The following ITGA4 variants were observed in gnomAD, a reference collection of about 807,000 sequenced individuals.
ITGA4 encodes the protein integrin subunit alpha 4, also known as integrin alpha-4.
A neutral mutation model predicts 133.6 loss-of-function variants in ITGA4; 63 were observed. That is an observed-to-expected ratio of 0.47 (90% CI 0.38 to 0.58). The LOEUF is 0.58. ITGA4 is among the 20% of genes least tolerant of loss of function. The pLI is 0.00. For synonymous variants in ITGA4, 483 were observed against 438.0 expected (o/e 1.10, Z -1.28); for missense variants, 1,076 against 1,252.7 (o/e 0.86, Z 2.13).
intron 10 of ITGA4, among the ~76,000 whole-genome samples, chr2:181,492,300 G>T (rs1276251742): frequency 1.3e-5 from 2 of 152,198 alleles, no homozygotes; most frequent in East Asian, 3.9e-4. Context: ...ACTGAAAATA[G>T]AAAAGCTTTT....
chr2:181,527,853 T>C (rs1686866175), intron 22 of ITGA4, among the ~76,000 whole-genome samples: 1 of 152,198 alleles, frequency 6.6e-6, no homozygotes, highest in South Asian at 2.1e-4. Context: ...AGCCATAAGT[T>C]TATGACCTGT....
Position 181,536,564 on chromosome 2 carries a change from C to G in ITGA4, c.*1037C>G, listed in dbSNP as rs553835634. The stretch of plus-strand genomic sequence containing the variant: ...TACCCTTTACAAGTATAAGTGTTAC[C>G]TTACATGGAAACGAAGAAACAAAAT... On this transcript the variant is annotated 3_prime_UTR_variant, in exon 28 of 28. Coordinates refer to ENST00000397033, the MANE Select transcript of ITGA4 (RefSeq NM_000885.6). The G allele has an allele frequency of 7.0e-5, 12 of 170,704 alleles. No individual in the cohort carries two copies. Among genetic ancestry groups the G allele is most frequent in the Non-Finnish European group, 1.5e-4 (12 of 79,488 alleles). The allele number at this position is 170,704 out of a possible 1,614,324, so 10.6% of individuals were successfully genotyped here.
At chr2:181,496,416 C>A (rs888471041) in intron 14 of ITGA4, among the ~76,000 whole-genome samples, 4 of 151,902 alleles carry the variant, frequency 2.6e-5, no homozygotes, top group African/African-American at 4.8e-5. Flanking sequence ...TGGAATGAGA[C>A]CCTGTCTCAA....
At chr2:181,477,185 G>C (rs155090) in intron 4 of ITGA4, among the ~76,000 whole-genome samples, 116,259 of 151,904 alleles carry the variant, frequency 0.77, 44,794 homozygotes, top group Admixed American at 0.85. Flanking sequence ...GAAATTGAAC[G>C]CTTATCTTAG....
intron 9 of ITGA4, among the ~76,000 whole-genome samples, chr2:181,484,263 A>G (rs901386439): frequency 2.6e-5 from 4 of 152,196 alleles, no homozygotes; most frequent in African/African-American, 7.2e-5. Context: ...TGAACTCAAG[A>G]AAGAATGATA....
Position 181,495,740 on chromosome 2 carries a change from A to C in ITGA4, c.1386-43A>C. ...AAACGCATTTCTCTCCTTAAGGAAA[A>C]ATAATTCTGCAATTAACATTGCTAC... On this transcript the variant is annotated intron_variant, in intron 13 of 27. Transcript: ENST00000397033. The surrounding 1 kb of genome is among the most constrained non-coding windows in gnomAD (Gnocchi z 4.3). 1 of 1,561,382 alleles carries C rather than the reference A, an allele frequency of 6.4e-7. No homozygotes were observed. Among genetic ancestry groups the C allele is most frequent in the Non-Finnish European group, 8.7e-7 (1 of 1,144,890 alleles).
chr2:181,484,648 G>C (rs190585405), intron 9 of ITGA4, among the ~76,000 whole-genome samples: 16 of 152,312 alleles, frequency 1.1e-4, no homozygotes, highest in Admixed American at 7.8e-4. Flanking sequence ...TATCTGAAAT[G>C]TAACCAGGAC....
chr2:181,482,212 C>A (rs747805155), intron 7 of ITGA4, 148 bp from the exon 8 acceptor site: 2 of 773,230 alleles, frequency 2.6e-6, no homozygotes, highest in South Asian at 2.0e-5. Flanking sequence ...ATCCCAAACC[C>A]TTTTGTGTCA....
chr2:181,536,390 G>A lies in ITGA4; in HGVS notation c.*863G>A, dbSNP rs955923976. ...GAGTGTTGCACTTTACCTGATACAC[G>A]CTGATTTAGAAAATACAGAAACCAT... On this transcript the variant is annotated 3_prime_UTR_variant, in exon 28 of 28. Coordinates refer to ENST00000397033, the MANE Select transcript of ITGA4 (RefSeq NM_000885.6). Among the ~76,000 whole-genome samples the A allele has an allele frequency of 4.4e-5, 6 of 136,088 alleles. No homozygotes were observed. In the East Asian group the frequency reaches 6.2e-4, roughly 14 times the overall value. 89.3% of individuals were successfully genotyped at this position (136,088 alleles called of 152,430 possible). A position where few individuals can be genotyped will look rare whatever the true frequency, so the allele number is the denominator to read the frequency against.
intron 7 of ITGA4, among the ~76,000 whole-genome samples, 197 bp downstream of exon 7, chr2:181,481,880 C>T (rs566011387): frequency 6.6e-6 from 1 of 151,962 alleles, no homozygotes; most frequent in Non-Finnish European, 1.5e-5. Context: ...TGAAAAATTA[C>T]AAAAGTCAAA....
intron 25 of ITGA4, among the ~76,000 whole-genome samples, chr2:181,533,556 C>T (rs1244601467): frequency 1.3e-5 from 2 of 152,092 alleles, no homozygotes; most frequent in Non-Finnish European, 2.9e-5. Context: ...GCTGGTAGTA[C>T]CACCTCCCAC....
At chr2:181,477,337 CAA>C (rs965590229) in intron 4 of ITGA4, among the ~76,000 whole-genome samples, 7 of 151,896 alleles carry the variant, frequency 4.6e-5, no homozygotes, top group African/African-American at 1.7e-4. Flanking sequence ...ACCAAAAGCT[CAA>C]ACAACAAAAG....
At chr2:181,472,136 T>C (rs1166361894) in intron 2 of ITGA4, among the ~76,000 whole-genome samples, 1 of 152,198 alleles carries the variant, frequency 6.6e-6, no homozygotes, top group African/African-American at 2.4e-5. Context: ...TGTTACCTGA[T>C]GGAGCTAAAA....
chr2:181,505,189 T>G (rs2198732), intron 15 of ITGA4, among the ~76,000 whole-genome samples: 148,827 of 152,184 alleles, frequency 0.98, 72,873 homozygotes, highest in Middle Eastern at 1. Flanking sequence ...GAACATAGAT[T>G]GTGACAGGTA....
At chr2:181,478,896 C>T (rs1246162714) in intron 5 of ITGA4, 72 bp downstream of exon 5, 3 of 728,080 alleles carry the variant, frequency 4.1e-6, no homozygotes, top group African/African-American at 1.8e-5. Flanking sequence ...GTTTGGAAGA[C>T]TGATATGTTT....
At chr2:181,476,044 G>A (rs1685669160) in intron 4 of ITGA4, 1 of 709,716 alleles carries the variant, frequency 1.4e-6, no homozygotes, top group African/African-American at 1.8e-5. Context: ...CAAAACTTTG[G>A]CCAAGTATTT....
At position 181,458,579 on chromosome 2, in the gene ITGA4, C is replaced by T. The variant is rs1479555672; in HGVS notation, c.319+262C>T. On this transcript the variant is annotated intron_variant, in intron 2 of 27. Coordinates refer to ENST00000397033, the MANE Select transcript of ITGA4 (RefSeq NM_000885.6). Reference sequence around the variant, plus strand: ...AGAGAAATTTCTTATGATACCTTCTCTTCATCTCTCCCCGTCTCTCCGTGT... The same window carrying T: ...AGAGAAATTTCTTATGATACCTTCTTTTCATCTCTCCCCGTCTCTCCGTGT... 5.1e-5 allele frequency: 24 copies of T among 470,698 alleles called. No individual in the cohort carries two copies. In the East Asian group the frequency reaches 9.2e-4, roughly 18 times the overall value. The allele number at this position is 470,698 out of a possible 1,614,324, so 29.2% of individuals were successfully genotyped here.
intron 21 of ITGA4, among the ~76,000 whole-genome samples, chr2:181,525,631 T>G (rs1364973797): frequency 6.6e-6 from 1 of 152,198 alleles, no homozygotes; most frequent in East Asian, 1.9e-4. Flanking sequence ...TAATCATACT[T>G]AATGCCCATG....
At position 181,524,160 on chromosome 2, in the gene ITGA4, G is replaced by A. The variant is rs1287664772; in HGVS notation, c.2170-11G>A. The A allele has an allele frequency of 6.4e-7, 1 of 1,573,650 alleles. No homozygotes were observed. Among genetic ancestry groups the A allele is most frequent in the Admixed American group, 1.8e-5 (1 of 54,330 alleles). ...TTTTTTTAATGGGCTTTCCTGGTCT[G>A]TGTTTTACAGATAGATATTAGCTTT... On this transcript the variant is annotated splice_polypyrimidine_tract_variant and intron_variant, in intron 19 of 27. Transcript: ENST00000397033.
Sources: allele counts gnomAD v4.1 joint callset (sites outside exome capture counted in the v4.1 genomes callset), GRCh38; gene constraint gnomAD v4.1.1; non-coding constraint Gnocchi (gnomAD v3.1); transcripts MANE v1.5; gene names NCBI Gene and HGNC (gene_info 2026-07-23, HGNC 2026-07-21).